The following HLCS variants were observed in gnomAD, a reference collection of about 807,000 sequenced individuals.
The protein encoded by HLCS is biotin--protein ligase.
In HLCS, 53 loss-of-function variants were observed where a neutral mutation model predicts 75.0. The ratio of observed to expected loss-of-function variants is 0.71; its 90% CI spans 0.57 to 0.89. The LOEUF (loss-of-function observed/expected upper bound fraction) is 0.89. Ranked by LOEUF, HLCS falls within the 40% of genes least tolerant of loss-of-function variation. The pLI is 0.00. For synonymous variants in HLCS, 431 were observed against 428.6 expected, an observed-to-expected ratio of 1.01 and a Z score of -0.07; for missense variants, 966 against 1,074.0, an observed-to-expected ratio of 0.90 and a Z score of 1.41.
intron 6 of HLCS, among the ~76,000 whole-genome samples, chr21:36,837,435 C>CA (rs1446717577): frequency 1.3e-5 from 2 of 152,060 alleles, no homozygotes; most frequent in Non-Finnish European, 2.9e-5. Flanking sequence ...ATACAGCACA[C>CA]AAAAAACTTC....
At chr21:36,837,203 A>G (rs2062445010) in intron 6 of HLCS, among the ~76,000 whole-genome samples, 1 of 152,182 alleles carries the variant, frequency 6.6e-6, no homozygotes, top group South Asian at 2.1e-4. Context: ...ACAAACAAAT[A>G]AAAAACTGCA....
chr21:36,949,414 G>A (rs1226314882), intron 2 of HLCS, among the ~76,000 whole-genome samples: 2 of 152,126 alleles, frequency 1.3e-5, no homozygotes, highest in Non-Finnish European at 2.9e-5. Flanking sequence ...TGTGGATCTC[G>A]CCACAGGGCA....
chr21:36,930,808 A>G (rs1342126074), intron 4 of HLCS, among the ~76,000 whole-genome samples: 1 of 152,230 alleles, frequency 6.6e-6, no homozygotes, highest in Non-Finnish European at 1.5e-5. Context: ...CTGAAGCTGT[A>G]TATCTGGAAA....
chr21:36,833,030 T>C (rs1020327200), intron 6 of HLCS, among the ~76,000 whole-genome samples: 1 of 150,572 alleles, frequency 6.6e-6, no homozygotes, highest in Non-Finnish European at 1.5e-5. Context: ...CACCCAAAAA[T>C]AGAAGACCAT....
intron 6 of HLCS, among the ~76,000 whole-genome samples, chr21:36,770,136 A>G (rs949303967): frequency 2.0e-5 from 3 of 146,712 alleles, no homozygotes; most frequent in African/African-American, 7.7e-5. Flanking sequence ...ACAAAACTAT[A>G]GATGCTTTTT....
In HLCS at chr21:36,881,613, C is replaced by G. The variant is rs146539325; in HGVS notation, c.1892+15247G>C. On this transcript the variant is annotated intron_variant, in intron 6 of 10. Coordinates refer to ENST00000674895, the MANE Select transcript of HLCS (RefSeq NM_001352514.2). ...GAACTTGTAACAGATCATATGAAAT[C>G]CCCATTGCCGTAATTCCTTTTTGGA... 2.3e-3 allele frequency among the ~76,000 whole-genome samples: 353 copies of G among 152,308 alleles called. 2 individuals are homozygous for G. Among genetic ancestry groups the G allele is most frequent in the Non-Finnish European group, 3.5e-3 (236 of 68,024 alleles).
At chr21:36,895,193 C>T (rs2835529) in intron 6 of HLCS, among the ~76,000 whole-genome samples, 20,191 of 152,126 alleles carry the variant, frequency 0.13, 2,829 homozygotes, top group African/African-American at 0.35. Context: ...TGGAAGTACC[C>T]GTATTTTTCT....
chr21:36,771,333 A>G (rs2060202465), intron 6 of HLCS, among the ~76,000 whole-genome samples: 1 of 152,224 alleles, frequency 6.6e-6, no homozygotes, highest in African/African-American at 2.4e-5. Flanking sequence ...AGCTTATCTG[A>G]TACTAACAAG....
intron 6 of HLCS, among the ~76,000 whole-genome samples, chr21:36,828,911 G>A (rs914131950): frequency 6.6e-6 from 1 of 152,190 alleles, no homozygotes; most frequent in African/African-American, 2.4e-5. Flanking sequence ...GGAGACAAAT[G>A]CACAATGATT....
intron 6 of HLCS, among the ~76,000 whole-genome samples, chr21:36,769,712 T>G (rs572023299): frequency 6.6e-6 from 1 of 152,348 alleles, no homozygotes; most frequent in Non-Finnish European, 1.5e-5. Context: ...ACTCTGCAAA[T>G]GAGACAGCCT....
chr21:36,869,133 T>A (rs890605335), intron 6 of HLCS, among the ~76,000 whole-genome samples: 2 of 128,752 alleles, frequency 1.6e-5, no homozygotes, highest in Non-Finnish European at 3.2e-5. Flanking sequence ...TTTATTTATT[T>A]ATTTATTTTG....
Position 36,754,362 on chromosome 21 carries a change from G to A in HLCS, c.2506C>T (p.Leu836=). Residue 836 remains leucine (L), a synonymous_variant, in exon 11 of 11, where the codon CTG becomes TTG. Transcript: ENST00000674895. ...AEGPKVSIVG[L]DDSGFLQVHQ... ...ACCTGGAGGAAGCCAGAATCGTCCA[G>A]GCCAACGATGGACACCTTTGGTCCC... 6.2e-7 allele frequency: 1 copy of A among 1,613,960 alleles called. No homozygotes were observed. The highest frequency in any genetic ancestry group is 8.5e-7 in the Non-Finnish European group (1 of 1,179,998).
rs369256898 is a variant in HLCS at position 36,839,643 on chromosome 21, C to T, written c.1892+57217G>A. 1.2e-3 allele frequency among the ~76,000 whole-genome samples: 190 copies of T among 152,280 alleles called. 2 individuals are homozygous for T. The highest frequency in any genetic ancestry group is 4.4e-3 in the African/African-American group (183 of 41,564). On this transcript the variant is annotated intron_variant, in intron 6 of 10. Coordinates refer to ENST00000674895, the MANE Select transcript of HLCS (RefSeq NM_001352514.2). ...ACAAAATACAGGCAAAAGAAATTAA[C>T]AGGCACATCACAGAAGACATCCCAA...
rs771127234 is a variant in HLCS at position 36,751,428 on chromosome 21, G to A, written c.*2818C>T. On this transcript the variant is annotated 3_prime_UTR_variant, in exon 11 of 11. Transcript: ENST00000674895. ...CTGCCTCCCTTTTCCATCTGAAGCAGTGCGGGGAGGCTGGCTCCTCTCTTT... is the reference window on the plus strand; with the variant it reads ...CTGCCTCCCTTTTCCATCTGAAGCAATGCGGGGAGGCTGGCTCCTCTCTTT... The A allele has an allele frequency of 6.6e-6, 1 of 152,400 alleles. No individual in the cohort carries two copies. The highest frequency in any genetic ancestry group is 1.5e-5 in the Non-Finnish European group (1 of 68,094). The allele number at this position is 152,400 out of a possible 1,614,324, so 9.4% of individuals were successfully genotyped here. A position where few individuals can be genotyped will look rare whatever the true frequency, so the allele number is the denominator to read the frequency against.
intron 6 of HLCS, among the ~76,000 whole-genome samples, chr21:36,826,027 A>ATT (rs111857311): frequency 1.4e-5 from 2 of 146,752 alleles, no homozygotes; most frequent in Non-Finnish European, 3.0e-5. Context: ...GTAAGAAGTT[A>ATT]TTTTTTTTTT....
intron 6 of HLCS, among the ~76,000 whole-genome samples, chr21:36,823,420 G>A (rs962121520): frequency 1.4e-4 from 21 of 152,218 alleles, no homozygotes; most frequent in African/African-American, 4.3e-4. Context: ...CAAATAATAC[G>A]AATCTCTCTT....
At chr21:36,886,968 A>G (rs1212665894) in intron 6 of HLCS, among the ~76,000 whole-genome samples, 3 of 152,134 alleles carry the variant, frequency 2.0e-5, no homozygotes, top group Admixed American at 6.5e-5. Context: ...CTCTACTAAA[A>G]ATACAAAAAA....
intron 6 of HLCS, among the ~76,000 whole-genome samples, chr21:36,858,429 A>C (rs2063271810): frequency 6.6e-6 from 1 of 152,182 alleles, no homozygotes; most frequent in Non-Finnish European, 1.5e-5. Flanking sequence ...GGTTGGAAAG[A>C]TCAATGTCTT....
rs934142020 is a variant in HLCS, at chr21:36,757,583, G to GA, written c.2237-829dup. 2.6e-4 allele frequency among the ~76,000 whole-genome samples: 39 copies of GA among 152,058 alleles called. No homozygotes were observed. In the East Asian group the frequency reaches 4.6e-3, roughly 18 times the overall value. On this transcript the variant is annotated intron_variant, in intron 9 of 10. Coordinates refer to ENST00000674895, the MANE Select transcript of HLCS (RefSeq NM_001352514.2). ...ACTACCATGTTTTCAGTGACTTTAAGAAAAAAAATCCCCAAAACATTCGCC... is the reference window on the plus strand; with the variant it reads ...ACTACCATGTTTTCAGTGACTTTAAGAAAAAAAAATCCCCAAAACATTCGCC...
Sources: allele counts gnomAD v4.1 joint callset (sites outside exome capture counted in the v4.1 genomes callset), GRCh38; gene constraint gnomAD v4.1.1; transcripts MANE v1.5; gene names NCBI Gene and HGNC (gene_info 2026-07-23, HGNC 2026-07-21).